RBFOX1: variants seen among roughly 807,000 people sequenced by gnomAD.
RBFOX1 encodes RNA binding protein fox-1 homolog 1.
A neutral mutation model predicts 57.7 loss-of-function variants in RBFOX1; 8 were observed. The observed-to-expected ratio is 0.14, with a 90% CI of 0.08 to 0.25. The LOEUF (loss-of-function observed/expected upper bound fraction) is 0.25. RBFOX1 is among the 10% of genes least tolerant of loss of function. The pLI is 1.00. For missense variants in RBFOX1, 611 were observed against 548.5 expected (o/e 1.11, Z -1.14); for synonymous variants, 326 against 222.4 (o/e 1.47, Z -4.15).
intron 4 of RBFOX1, among the ~76,000 whole-genome samples, chr16:5,888,704 G>A (rs547810693): frequency 2.0e-5 from 3 of 151,924 alleles, no homozygotes; most frequent in African/African-American, 7.2e-5. Flanking sequence ...GCTGAGGCAG[G>A]AGAATTGCTT....
intron 4 of RBFOX1, among the ~76,000 whole-genome samples, chr16:7,372,385 C>T (rs1196100455): frequency 1.3e-5 from 2 of 152,134 alleles, no homozygotes; most frequent in Non-Finnish European, 2.9e-5. Context: ...CTGATACTTG[C>T]CTTGGTAATA....
At chr16:6,527,546 G>A (rs2096598380) in intron 2 of RBFOX1, among the ~76,000 whole-genome samples, 1 of 152,050 alleles carries the variant, frequency 6.6e-6, no homozygotes, top group Non-Finnish European at 1.5e-5. Flanking sequence ...GCCTCATTCA[G>A]GCCACTTGAA....
At chr16:7,189,586 C>CACACACACACACACACAG (rs1291219168) in intron 4 of RBFOX1, among the ~76,000 whole-genome samples, 1 of 145,920 alleles carries the variant, frequency 6.9e-6, no homozygotes, top group Non-Finnish European at 1.5e-5. Flanking sequence ...CACACACACA[C>CACACACACACACACACAG]ATACACACAC....
At chr16:6,606,830 A>G (rs12103298) in intron 2 of RBFOX1, among the ~76,000 whole-genome samples, 2,581 of 152,200 alleles carry the variant, frequency 0.017, 88 homozygotes, top group African/African-American at 0.058. Context: ...GCGTGCATGT[A>G]TCTTTATAAT....
At chr16:7,481,431 C>T (rs953241467) in intron 4 of RBFOX1, among the ~76,000 whole-genome samples, 1 of 152,060 alleles carries the variant, frequency 6.6e-6, no homozygotes, top group Non-Finnish European at 1.5e-5. Context: ...ATAAATTGTT[C>T]TTCTTTGGTG....
chr16:6,947,144 A>G (rs189635284), intron 3 of RBFOX1, among the ~76,000 whole-genome samples: 1 of 152,274 alleles, frequency 6.6e-6, no homozygotes, highest in Admixed American at 6.5e-5. Context: ...AACCTGGCCC[A>G]TGTTCAAGGT....
intron 1 of RBFOX1, among the ~76,000 whole-genome samples, chr16:5,460,798 A>G (rs1238567460): frequency 6.6e-6 from 1 of 152,236 alleles, no homozygotes; most frequent in Non-Finnish European, 1.5e-5. Context: ...CATTCGAGGA[A>G]GGCACAAAGG....
chr16:5,433,929 C>G (rs2067832018), intron 1 of RBFOX1, among the ~76,000 whole-genome samples: 1 of 152,162 alleles, frequency 6.6e-6, no homozygotes, highest in Admixed American at 6.5e-5. Flanking sequence ...ACTGTGCAGT[C>G]ACTGTTTCTC....
At chr16:6,535,505 T>C (rs2096722624) in intron 2 of RBFOX1, among the ~76,000 whole-genome samples, 1 of 152,230 alleles carries the variant, frequency 6.6e-6, no homozygotes, top group Non-Finnish European at 1.5e-5. Context: ...TCCCATTCCC[T>C]ATAAACTCCA....
intron 3 of RBFOX1, among the ~76,000 whole-genome samples, chr16:6,674,333 T>C (rs539188706): frequency 6.6e-6 from 1 of 152,192 alleles, no homozygotes; most frequent in Non-Finnish European, 1.5e-5. Flanking sequence ...TTTTCTTTTC[T>C]TTTTTTGAGT....
intron 4 of RBFOX1, among the ~76,000 whole-genome samples, chr16:7,341,534 G>C (rs1419825527): frequency 6.6e-6 from 1 of 152,116 alleles, no homozygotes; most frequent in Non-Finnish European, 1.5e-5. Context: ...TAGAACTCTT[G>C]AGTCTCCACC....
intron 4 of RBFOX1, among the ~76,000 whole-genome samples, chr16:7,236,691 T>G (rs2093783912): frequency 6.6e-6 from 1 of 152,106 alleles, no homozygotes; most frequent in South Asian, 2.1e-4. Flanking sequence ...ACTTTACTTT[T>G]TCTTTTTTTT....
At chr16:5,747,853 G>GT (rs1360736918) in intron 3 of RBFOX1, among the ~76,000 whole-genome samples, 6 of 152,208 alleles carry the variant, frequency 3.9e-5, no homozygotes, top group Non-Finnish European at 7.4e-5. Context: ...TTTTTGAAGG[G>GT]TTTTTTGTGT....
intron 2 of RBFOX1, among the ~76,000 whole-genome samples, chr16:6,379,352 T>A (rs538204829): frequency 2.6e-5 from 4 of 152,162 alleles, no homozygotes; most frequent in Non-Finnish European, 1.5e-5. Context: ...CACATCCCAG[T>A]TAGCCAGGAT....
chr16:7,061,022 C>CTG (rs112453963), intron 4 of RBFOX1, among the ~76,000 whole-genome samples: 38 of 150,602 alleles, frequency 2.5e-4, no homozygotes, highest in Middle Eastern at 3.4e-3. Context: ...GTATGTTCTC[C>CTG]TGTGTGTGTG....
In RBFOX1 at chr16:7,017,067, G is replaced by A. The variant is rs74008506; in HGVS notation, c.-15-34990G>A. 9.0e-3 allele frequency among the ~76,000 whole-genome samples: 1,370 copies of A among 152,092 alleles called. 23 individuals are homozygous for A. Among genetic ancestry groups the A allele is most frequent in the African/African-American group, 0.031 (1,295 of 41,496 alleles). ...TCTTTCTCTTTTTTTATTGTTCCAT[G>A]TTGCTGTGAGCAGAACTCATTTTTC... On this transcript the variant is annotated intron_variant, in intron 3 of 15. Coordinates refer to ENST00000550418, the MANE Select transcript of RBFOX1 (RefSeq NM_018723.4).
chr16:6,516,285 A>G (rs1481774466), intron 2 of RBFOX1, among the ~76,000 whole-genome samples: 1 of 152,138 alleles, frequency 6.6e-6, no homozygotes, highest in Non-Finnish European at 1.5e-5. Context: ...TTGTCTTTAA[A>G]TTTTAGCTCT....
chr16:6,258,601 G>A (rs1186399006), intron 1 of RBFOX1, among the ~76,000 whole-genome samples: 1 of 152,078 alleles, frequency 6.6e-6, no homozygotes, highest in Non-Finnish European at 1.5e-5. Context: ...TACCTTCCAT[G>A]GCCCAAACTC....
At chr16:5,324,876 C>G (rs78900071) in intron 1 of RBFOX1, among the ~76,000 whole-genome samples, 285 of 152,264 alleles carry the variant, frequency 1.9e-3, no homozygotes, top group African/African-American at 6.5e-3. Flanking sequence ...ATTTACTAGA[C>G]TTAGTGGTAC....
Sources: gnomAD v4.1 joint callset for allele counts (sites outside exome capture counted in the v4.1 genomes callset) on GRCh38, gnomAD v4.1.1 for gene constraint, MANE v1.5 for transcripts, NCBI Gene and HGNC (gene_info 2026-07-23, HGNC 2026-07-21) for gene names.